Variants in LARP1 observed in about 807,000 individuals in gnomAD.
LARP1 encodes La ribonucleoprotein 1, translational regulator.
LARP1 carries 36 observed loss-of-function variants against 122.7 expected under a neutral mutation model. That is an observed-to-expected ratio of 0.29 (90% CI 0.22 to 0.39). The LOEUF (loss-of-function observed/expected upper bound fraction) is 0.39. Ranked by LOEUF, LARP1 falls within the 10% of genes least tolerant of loss-of-function variation. The probability of loss-of-function intolerance (pLI) is 1.00; values close to 1 mark genes in which losing one functional copy is unlikely to be tolerated. For missense variants in LARP1, 1,040 were observed against 1,403.6 expected, an observed-to-expected ratio of 0.74 and a Z score of 4.14; for synonymous variants, 539 against 528.7, an observed-to-expected ratio of 1.02 and a Z score of -0.27.
At chr5:154,686,241 C>A (rs1207953915) in intron 1 of LARP1, among the ~76,000 whole-genome samples, 1 of 152,168 alleles carries the variant, frequency 6.6e-6, no homozygotes, top group Non-Finnish European at 1.5e-5. Flanking sequence ...GAGACAGGCA[C>A]AGAGCTAAAT....
intron 18 of LARP1, among the ~76,000 whole-genome samples, chr5:154,811,898 A>G (rs1759307387): frequency 6.6e-6 from 1 of 152,116 alleles, no homozygotes; most frequent in Non-Finnish European, 1.5e-5. Flanking sequence ...CTATCTCACC[A>G]TCCTCCTTGC....
At chr5:154,689,596 G>C (rs1179666206) in intron 1 of LARP1, among the ~76,000 whole-genome samples, 5 of 148,470 alleles carry the variant, frequency 3.4e-5, no homozygotes, top group African/African-American at 1.2e-4. Context: ...CTCCAGCCTG[G>C]ACTACAGACC....
chr5:154,761,970 G>A (rs927898433), intron 1 of LARP1, among the ~76,000 whole-genome samples: 8 of 152,174 alleles, frequency 5.3e-5, no homozygotes, highest in Admixed American at 2.0e-4. Context: ...TGCTGGGCGC[G>A]GGGGTTCACA....
chr5:154,760,140 GT>G (rs1488274372), intron 1 of LARP1, among the ~76,000 whole-genome samples: 1 of 152,090 alleles, frequency 6.6e-6, no homozygotes, highest in Non-Finnish European at 1.5e-5. Flanking sequence ...GTTTCTCCAT[GT>G]TGGTCAGGCT....
chr5:154,740,157 C>T (rs1013347800), intron 1 of LARP1, among the ~76,000 whole-genome samples: 3 of 151,360 alleles, frequency 2.0e-5, no homozygotes, highest in Non-Finnish European at 4.4e-5. Flanking sequence ...CTTGGGAGGC[C>T]GAGGCGGGTG....
At chr5:154,724,256 A>G (rs1229790520) in intron 1 of LARP1, among the ~76,000 whole-genome samples, 1 of 152,210 alleles carries the variant, frequency 6.6e-6, no homozygotes, top group African/African-American at 2.4e-5. Flanking sequence ...ACATTGCCTC[A>G]TTGAATTTTT....
At position 154,761,307 on chromosome 5, in the gene LARP1, G is replaced by T. The variant is rs1366393491; in HGVS notation, c.436+5114G>T. 7.9e-5 allele frequency among the ~76,000 whole-genome samples: 12 copies of T among 152,162 alleles called. 1 individual carries two copies. Among genetic ancestry groups the T allele is most frequent in the Admixed American group, 5.9e-4 (9 of 15,268 alleles). ...GTGGTTTTTGGCCCTTTGGGAGGTA[G>T]AGGGTAGTCACAAGCTTTCTTGAAC... On this transcript the variant is annotated intron_variant, in intron 1 of 18. Transcript: ENST00000518297.
chr5:154,716,121 A>G (rs911746745), intron 1 of LARP1, among the ~76,000 whole-genome samples: 2 of 151,884 alleles, frequency 1.3e-5, no homozygotes, highest in Non-Finnish European at 2.9e-5. Flanking sequence ...GTGTTTTACT[A>G]TTTTTTGTTT....
intron 1 of LARP1, among the ~76,000 whole-genome samples, chr5:154,715,489 C>T (rs1030066138): frequency 6.6e-6 from 1 of 151,898 alleles, no homozygotes; most frequent in Non-Finnish European, 1.5e-5. Flanking sequence ...GTGATCTGCC[C>T]GCCTCGGCTT....
At position 154,782,063 on chromosome 5, in the gene LARP1, A is replaced by G. The variant is rs1282380891; in HGVS notation, c.437-8262A>G. Among the ~76,000 whole-genome samples, 6 of 152,326 alleles carry G rather than the reference A, an allele frequency of 3.9e-5. No homozygotes were observed. The South Asian group carries it at 1.0e-3, about 26-fold the overall frequency. On this transcript the variant is annotated intron_variant, in intron 1 of 18. Transcript: ENST00000518297. ...CTGAGGAGAATTTATATTGAGATCT[A>G]TGACTAGATCTGAGGAGTCAGTCAT...
In LARP1 at chr5:154,803,587, T is replaced by G; in HGVS notation, c.2281T>G (p.Ser761Ala). Residue 761 changes from serine (S) to alanine (A), a missense_variant, in exon 13 of 19, where the codon TCC becomes GCC. Around this residue, in one of 8 missense-constraint regions of LARP1, gnomAD observed 362 missense variants for 533.1 expected, o/e 0.68. Coordinates refer to ENST00000518297, the MANE Select transcript of LARP1 (RefSeq NM_033551.3). The surrounding 1 kb of genome is among the most constrained non-coding windows in gnomAD (Gnocchi z 4.4). ...ANKLFGAPEPSTIARSLPTTV... is the reference protein window; with the variant it reads ...ANKLFGAPEPATIARSLPTTV... Reference sequence around the variant, plus strand: ...CAAGTTGTTTGGTGCTCCTGAGCCCTCCACCATCGCCCGCTCTCTACCAAC... The same window carrying G: ...CAAGTTGTTTGGTGCTCCTGAGCCCGCCACCATCGCCCGCTCTCTACCAAC... 2 of 1,614,116 alleles carry G rather than the reference T, an allele frequency of 1.2e-6. No individual in the cohort carries two copies. Among genetic ancestry groups the G allele is most frequent in the Admixed American group, 1.7e-5 (1 of 60,010 alleles).
Position 154,815,381 on chromosome 5 carries a change from GAGTTGGCCTGCATCTGGAACACAC to G in LARP1, c.*1286_*1309del, listed in dbSNP as rs1307387606. On this transcript the variant is annotated 3_prime_UTR_variant, in exon 19 of 19. Transcript: ENST00000518297. ...AGTTGGTTCAAACTGTTGGAGAACA[GAGTTGGCCTGCATCTGGAACACAC>G]TTGTCCTCAGCTTACCATCTCCTCA... The G allele has an allele frequency of 6.6e-6, 1 of 152,482 alleles. No individual in the cohort carries two copies. The highest frequency in any genetic ancestry group is 1.5e-5 in the Non-Finnish European group (1 of 68,050). The allele number at this position is 152,482 out of a possible 1,614,324, so 9.4% of individuals were successfully genotyped here. A position where few individuals can be genotyped will look rare whatever the true frequency, so the allele number is the denominator to read the frequency against.
At position 154,789,069 on chromosome 5, in the gene LARP1, G is replaced by A. The variant is rs530216792; in HGVS notation, c.437-1256G>A. On this transcript the variant is annotated intron_variant, in intron 1 of 18. Transcript: ENST00000518297. ...CTACTAAAAATACAAAAATGAGCTG[G>A]GCATGGTGGCGCGCACTTGCAGTCC... Among the ~76,000 whole-genome samples the A allele has an allele frequency of 7.0e-4, 106 of 151,944 alleles. 1 individual carries two copies. Among genetic ancestry groups the A allele is most frequent in the African/African-American group, 2.4e-3 (101 of 41,490 alleles).
At position 154,800,055 on chromosome 5, in the gene LARP1, T is replaced by C. The variant is rs371812964; in HGVS notation, c.1716+13T>C. The C allele has an allele frequency of 2.4e-5, 39 of 1,611,436 alleles. No individual in the cohort carries two copies. The highest frequency in any genetic ancestry group is 3.2e-5 in the Non-Finnish European group (38 of 1,179,102). ...AGCACGGCCCAAGGTGGGTGAGGCCTTGTCCCTTGCCTTGGTTCTAGCACT... is the reference window on the plus strand; with the variant it reads ...AGCACGGCCCAAGGTGGGTGAGGCCCTGTCCCTTGCCTTGGTTCTAGCACT... On this transcript the variant is annotated intron_variant, in intron 10 of 18. Coordinates refer to ENST00000518297, the MANE Select transcript of LARP1 (RefSeq NM_033551.3).
At chr5:154,775,387 G>A (rs539192925) in intron 1 of LARP1, among the ~76,000 whole-genome samples, 1 of 152,148 alleles carries the variant, frequency 6.6e-6, no homozygotes, top group Admixed American at 6.5e-5. Context: ...CAGCTACTCA[G>A]GGGACTAAGG....
At position 154,803,211 on chromosome 5, in the gene LARP1, T is replaced by C; in HGVS notation, c.2110-79T>C. Reference sequence around the variant, plus strand: ...GTGGGAGCTGCCCTCTCCAACTTCCTGCCAGTCTTGATTCCTTAAACAGGC... The same window carrying C: ...GTGGGAGCTGCCCTCTCCAACTTCCCGCCAGTCTTGATTCCTTAAACAGGC... On this transcript the variant is annotated intron_variant, in intron 11 of 18. Transcript: ENST00000518297. This position sits in a 1 kb window ranked among gnomAD's most constrained non-coding sequence, Gnocchi z 4.4. The C allele has an allele frequency of 1.9e-6, 3 of 1,586,680 alleles. No homozygotes were observed. Among genetic ancestry groups the C allele is most frequent in the Non-Finnish European group, 1.7e-6 (2 of 1,157,544 alleles).
chr5:154,773,068 G>A (rs929864077), intron 1 of LARP1, among the ~76,000 whole-genome samples: 3 of 150,230 alleles, frequency 2.0e-5, no homozygotes. Context: ...GAAGAGTTGC[G>A]ATAAAGAACA....
chr5:154,759,330 T>C (rs73276745), intron 1 of LARP1, among the ~76,000 whole-genome samples: 7,568 of 152,236 alleles, frequency 0.05, 322 homozygotes, highest in African/African-American at 0.12. Context: ...ATGGGGTTGG[T>C]GAATGCAGAT....
At chr5:154,765,307 C>A (rs1361827050) in intron 1 of LARP1, among the ~76,000 whole-genome samples, 1 of 152,170 alleles carries the variant, frequency 6.6e-6, no homozygotes, top group Non-Finnish European at 1.5e-5. Context: ...CCCAGACCAC[C>A]CTATATAGAC....
Sources: allele counts gnomAD v4.1 joint callset (sites outside exome capture counted in the v4.1 genomes callset), GRCh38; gene constraint gnomAD v4.1.1; regional missense constraint gnomAD v4.1.1; non-coding constraint Gnocchi (gnomAD v3.1); transcripts MANE v1.5; gene names NCBI Gene and HGNC (gene_info 2026-07-23, HGNC 2026-07-21).